FAM156A: variants seen among roughly 807,000 people sequenced by gnomAD.
FAM156A encodes family with sequence similarity 156 member A, also known as protein FAM156A/FAM156B.
At chrX:52,973,386 A>T (rs1258365603) in intron 1 of FAM156A, among the ~76,000 whole-genome samples, 3 of 110,307 alleles carry the variant, frequency 2.7e-5, no homozygotes, top group African/African-American at 9.9e-5. Flanking sequence ...GACACACTAC[A>T]TACAGAGGAA....
intron 1 of FAM156A, among the ~76,000 whole-genome samples, chrX:52,994,057 G>A (rs1930994269): frequency 9.0e-6 from 1 of 110,942 alleles, no homozygotes; most frequent in African/African-American, 3.3e-5. Context: ...ATGTCTGCCA[G>A]CCTCCAAAAC....
chrX:52,993,599 G>A (rs1435082484), intron 1 of FAM156A, among the ~76,000 whole-genome samples: 7 of 109,440 alleles, frequency 6.4e-5, no homozygotes, highest in Non-Finnish European at 1.1e-4. Context: ...ATTTTCAGTA[G>A]AGACGGGGTT....
chrX:52,985,513 TA>T (rs56048298), intron 1 of FAM156A, among the ~76,000 whole-genome samples: 18,473 of 108,973 alleles, frequency 0.17, 1,236 homozygotes, highest in Middle Eastern at 0.22. Flanking sequence ...AAAATAAAAA[TA>T]AACCCAAAGT....
At chrX:52,981,182 G>A (rs954440856) in intron 1 of FAM156A, among the ~76,000 whole-genome samples, 1 of 111,176 alleles carries the variant, frequency 9.0e-6, no homozygotes, top group East Asian at 2.8e-4. Flanking sequence ...GCCAAGCCAA[G>A]TTGACACATC....
intron 1 of FAM156A, among the ~76,000 whole-genome samples, chrX:52,993,454 A>C (rs1602067177): frequency 2.4e-5 from 2 of 81,989 alleles, no homozygotes; most frequent in African/African-American, 5.0e-5. Flanking sequence ...TCACTCTGTC[A>C]CCCAGGCTGG....
At chrX:52,980,543 C>T (rs1355308716) in intron 1 of FAM156A, among the ~76,000 whole-genome samples, 3 of 111,737 alleles carry the variant, frequency 2.7e-5, no homozygotes, top group Non-Finnish European at 5.6e-5. Flanking sequence ...GGATAGAGGA[C>T]CTCACAGACA....
At chrX:52,977,617 G>T (rs782015362) in intron 1 of FAM156A, among the ~76,000 whole-genome samples, 2 of 109,784 alleles carry the variant, frequency 1.8e-5, no homozygotes, top group African/African-American at 6.6e-5. Flanking sequence ...TTTTATTCTT[G>T]TAGAGACAAG....
chrX:52,976,418 C>A (rs1556792222), intron 1 of FAM156A, among the ~76,000 whole-genome samples: 1 of 110,276 alleles, frequency 9.1e-6, no homozygotes, highest in African/African-American at 3.3e-5. Context: ...CACTCCAGCC[C>A]GGGCGACAGA....
At chrX:52,990,093 G>A (rs1252916906) in intron 1 of FAM156A, among the ~76,000 whole-genome samples, 1 of 110,932 alleles carries the variant, frequency 9.0e-6, no homozygotes, top group Non-Finnish European at 1.9e-5. Flanking sequence ...CATGCAGAGA[G>A]GGAGGCTCCA....
At chrX:52,994,071 T>C (rs1258270942) in intron 1 of FAM156A, among the ~76,000 whole-genome samples, 1 of 110,690 alleles carries the variant, frequency 9.0e-6, no homozygotes, top group Non-Finnish European at 1.9e-5. Context: ...CCAAAACCCA[T>C]AGTTCCTGGA....
chrX:52,988,421 G>T (rs1482266574), intron 1 of FAM156A, among the ~76,000 whole-genome samples: 2 of 110,531 alleles, frequency 1.8e-5, no homozygotes, highest in African/African-American at 6.6e-5. Flanking sequence ...GCGCTTAGGG[G>T]TGGGAGAAGG....
chrX:52,978,381 C>T (rs1243117770), intron 1 of FAM156A, among the ~76,000 whole-genome samples: 1 of 111,854 alleles, frequency 8.9e-6, no homozygotes, highest in African/African-American at 3.3e-5. Context: ...AGGGACTGTC[C>T]AGACAACTGT....
intron 1 of FAM156A, among the ~76,000 whole-genome samples, chrX:52,989,908 A>G (rs1336894855): frequency 8.9e-6 from 1 of 112,569 alleles, no homozygotes; most frequent in African/African-American, 3.2e-5. Context: ...TGTAGAAGAA[A>G]GCATATAATG....
chrX:52,978,319 C>T (rs909507034), intron 1 of FAM156A, among the ~76,000 whole-genome samples: 1 of 111,941 alleles, frequency 8.9e-6, no homozygotes, highest in Non-Finnish European at 1.9e-5. Flanking sequence ...CAGGGAAATG[C>T]GGGAACAGCA....
chrX:52,994,713 G>A (rs1195785145), intron 1 of FAM156A, among the ~76,000 whole-genome samples: 1 of 111,587 alleles, frequency 9.0e-6, no homozygotes, highest in Non-Finnish European at 1.9e-5. Context: ...GGTGGCTCAT[G>A]TCTGTAATCC....
At chrX:52,981,004 C>CT (rs1179694580) in intron 1 of FAM156A, among the ~76,000 whole-genome samples, 30 of 101,823 alleles carry the variant, frequency 2.9e-4, no homozygotes, top group East Asian at 2.2e-3. Context: ...GGATCCCAGT[C>CT]TTTTTTTTTT....
At chrX:52,990,550 A>G (rs1037798926) in intron 1 of FAM156A, among the ~76,000 whole-genome samples, 7 of 110,971 alleles carry the variant, frequency 6.3e-5, no homozygotes, top group Non-Finnish European at 1.1e-4. Flanking sequence ...TTGGGAGGCC[A>G]AGGCGGGTGG....
chrX:52,986,093 G>A (rs1930258194), intron 1 of FAM156A, among the ~76,000 whole-genome samples: 1 of 110,412 alleles, frequency 9.1e-6, no homozygotes, highest in East Asian at 2.8e-4. Flanking sequence ...ATGTGCATGT[G>A]TCTTTGTAGC....
At chrX:52,994,554 A>T (rs887477574) in intron 1 of FAM156A, among the ~76,000 whole-genome samples, 1 of 111,247 alleles carries the variant, frequency 9.0e-6, no homozygotes, top group African/African-American at 3.3e-5. Context: ...CCTCACCAAC[A>T]CCAGCTGGGA....
Sources: allele counts gnomAD v4.1 joint callset (sites outside exome capture counted in the v4.1 genomes callset), GRCh38; gene constraint gnomAD v4.1.1; transcripts MANE v1.5; gene names NCBI Gene and HGNC (gene_info 2026-07-23, HGNC 2026-07-21).